Variants in ADAMTSL1 observed in about 807,000 individuals in gnomAD.
The protein encoded by ADAMTSL1 is ADAMTS-like protein 1.
A neutral mutation model predicts 201.8 loss-of-function variants in ADAMTSL1; 126 were observed. The ratio of observed to expected loss-of-function variants is 0.62; its 90% confidence interval spans 0.54 to 0.72. The LOEUF is 0.72. Ranked by LOEUF, ADAMTSL1 falls within the 30% of genes least tolerant of loss-of-function variation. The probability of loss-of-function intolerance (pLI) is 0.00; values close to 1 mark genes in which losing one functional copy is unlikely to be tolerated. For missense variants in ADAMTSL1, 2,679 were observed against 2,277.8 expected (o/e 1.18, Z -3.59); for synonymous variants, 1,121 against 903.4 (o/e 1.24, Z -4.32).
intron 2 of ADAMTSL1, among the ~76,000 whole-genome samples, chr9:18,211,861 G>A (rs1563810933): frequency 6.6e-6 from 1 of 152,202 alleles, no homozygotes; most frequent in African/African-American, 2.4e-5. Flanking sequence ...TGTTGGAAAT[G>A]TTTTTTACAT....
At chr9:18,679,743 G>A (rs191421101) in intron 10 of ADAMTSL1, among the ~76,000 whole-genome samples, 40 of 152,242 alleles carry the variant, frequency 2.6e-4, no homozygotes, top group African/African-American at 9.6e-4. Context: ...CATCAGAATT[G>A]TGCTGAATCT....
chr9:18,545,904 C>T (rs958112133), intron 3 of ADAMTSL1, among the ~76,000 whole-genome samples: 5 of 152,112 alleles, frequency 3.3e-5, no homozygotes, highest in East Asian at 1.9e-4. Context: ...TTCTGTAAGC[C>T]TAGAAACGAT....
chr9:18,573,254 A>G (rs1289004017), intron 3 of ADAMTSL1: 1 of 154,628 alleles, frequency 6.5e-6, no homozygotes, highest in Non-Finnish European at 1.5e-5. Context: ...TTCCTTGTGC[A>G]TATATTTGGC....
At position 18,464,047 on chromosome 9, in the gene ADAMTSL1, G is replaced by C. The variant is rs146999806; in HGVS notation, c.208-40782G>C. Reference sequence around the variant, plus strand: ...AACAGGATGCACTGCCTTCCAGGCTGTCTCATGTGTGAGTAGTTGTTGTTG... The same window carrying C: ...AACAGGATGCACTGCCTTCCAGGCTCTCTCATGTGTGAGTAGTTGTTGTTG... On this transcript the variant is annotated intron_variant, in intron 2 of 29. Transcript: ENST00000680146. 4.8e-4 allele frequency among the ~76,000 whole-genome samples: 73 copies of C among 152,336 alleles called. 1 individual carries two copies. The highest frequency in any genetic ancestry group is 7.9e-4 in the Non-Finnish European group (54 of 68,036).
intron 2 of ADAMTSL1, among the ~76,000 whole-genome samples, chr9:18,412,810 C>T (rs1377314135): frequency 6.6e-6 from 1 of 152,140 alleles, no homozygotes; most frequent in Non-Finnish European, 1.5e-5. Context: ...ACAAGATGTT[C>T]CAGGCTAAGC....
chr9:18,463,471 A>G (rs1820884453), intron 2 of ADAMTSL1, among the ~76,000 whole-genome samples: 1 of 152,130 alleles, frequency 6.6e-6, no homozygotes, highest in South Asian at 2.1e-4. Context: ...TGCAGCCATC[A>G]TCTCCATCTA....
At chr9:18,382,478 C>T (rs558354656) in intron 2 of ADAMTSL1, among the ~76,000 whole-genome samples, 39 of 151,976 alleles carry the variant, frequency 2.6e-4, no homozygotes, top group Non-Finnish European at 5.3e-4. Context: ...GGTAAGATTA[C>T]GTTTTTCTTT....
At chr9:17,944,371 T>C (rs923267508) in intron 1 of ADAMTSL1, among the ~76,000 whole-genome samples, 3 of 152,120 alleles carry the variant, frequency 2.0e-5, no homozygotes, top group Non-Finnish European at 4.4e-5. Context: ...ATCAATATCA[T>C]GAAAATGGCC....
At chr9:18,632,273 C>A (rs1381692494) in intron 5 of ADAMTSL1, among the ~76,000 whole-genome samples, 1 of 152,212 alleles carries the variant, frequency 6.6e-6, no homozygotes, top group East Asian at 1.9e-4. Context: ...AATACATAAA[C>A]AACTCAAAAG....
At chr9:18,559,395 T>C (rs1821326385) in intron 3 of ADAMTSL1, among the ~76,000 whole-genome samples, 1 of 152,198 alleles carries the variant, frequency 6.6e-6, no homozygotes, top group African/African-American at 2.4e-5. Flanking sequence ...TACCATGCTG[T>C]TTTGGTTACT....
chr9:18,831,336 A>G (rs1399768385), intron 23 of ADAMTSL1, among the ~76,000 whole-genome samples: 1 of 152,218 alleles, frequency 6.6e-6, no homozygotes, highest in Non-Finnish European at 1.5e-5. Flanking sequence ...TCCCAGTGAA[A>G]TGTGCGTTGT....
At position 18,496,889 on chromosome 9, in the gene ADAMTSL1, T is replaced by G. The variant is rs941260045; in HGVS notation, c.64-7940T>G. ...TGGACGGACCTCTGGTTAGATTAGA[T>G]GGAAGTGGAAACTAAAACTTCTAAC... On this transcript the variant is annotated intron_variant, in intron 1 of 28. Coordinates refer to ENST00000380548, the MANE Select transcript of ADAMTSL1 (RefSeq NM_001040272.6). 5.3e-5 allele frequency among the ~76,000 whole-genome samples: 8 copies of G among 152,318 alleles called. No homozygotes were observed. The East Asian group carries it at 1.5e-3, about 29-fold the overall frequency.
chr9:18,783,107 A>T (rs1821494915), intron 19 of ADAMTSL1, among the ~76,000 whole-genome samples: 1 of 152,196 alleles, frequency 6.6e-6, no homozygotes. Context: ...GGGGGCTAGT[A>T]AGGGGCCATT....
intron 2 of ADAMTSL1, among the ~76,000 whole-genome samples, chr9:18,528,103 C>G (rs978834529): frequency 6.6e-6 from 1 of 152,180 alleles, no homozygotes; most frequent in African/African-American, 2.4e-5. Flanking sequence ...GTCTTGAACT[C>G]CTGACCTCAC....
At chr9:18,087,248 G>A (rs907053521) in intron 1 of ADAMTSL1, among the ~76,000 whole-genome samples, 4 of 151,914 alleles carry the variant, frequency 2.6e-5, no homozygotes, top group African/African-American at 9.7e-5. Flanking sequence ...ATGTTTACTT[G>A]CATCTCAAAG....
intron 26 of ADAMTSL1, among the ~76,000 whole-genome samples, chr9:18,902,654 A>T (rs1830076992): frequency 6.6e-6 from 1 of 152,226 alleles, no homozygotes; most frequent in Non-Finnish European, 1.5e-5. Context: ...TAAAAAAGAA[A>T]GACTTCAAAT....
intron 1 of ADAMTSL1, among the ~76,000 whole-genome samples, chr9:18,049,277 T>G (rs1424498267): frequency 6.6e-6 from 1 of 152,196 alleles, no homozygotes; most frequent in Non-Finnish European, 1.5e-5. Flanking sequence ...ATTACATAGT[T>G]AAAATTAATA....
At chr9:18,077,985 G>A (rs1470255525) in intron 1 of ADAMTSL1, among the ~76,000 whole-genome samples, 1 of 152,158 alleles carries the variant, frequency 6.6e-6, no homozygotes, top group Non-Finnish European at 1.5e-5. Flanking sequence ...AGATATATTT[G>A]TCACCTAACA....
intron 23 of ADAMTSL1, among the ~76,000 whole-genome samples, chr9:18,861,168 T>C (rs553372448): frequency 5.1e-4 from 77 of 152,306 alleles, no homozygotes; most frequent in African/African-American, 1.6e-3. Context: ...TCCCTCATTA[T>C]ACAGAGATCA....
Sources: allele counts gnomAD v4.1 joint callset (sites outside exome capture counted in the v4.1 genomes callset), GRCh38; gene constraint gnomAD v4.1.1; transcripts MANE v1.5; gene names NCBI Gene and HGNC (gene_info 2026-07-23, HGNC 2026-07-21).